CLIP4: variants seen among roughly 807,000 people sequenced by gnomAD.
The protein encoded by CLIP4 is CAP-Gly domain-containing linker protein 4.
A neutral mutation model predicts 73.1 loss-of-function variants in CLIP4; 47 were observed. The observed-to-expected ratio is 0.64, with a 90% CI of 0.51 to 0.82. CLIP4 has a LOEUF of 0.82. Among genes scored for constraint, CLIP4 ranks in the 40% least tolerant of loss-of-function variants. The pLI is 0.00. For missense variants in CLIP4, 874 were observed against 852.9 expected, an observed-to-expected ratio of 1.02 and a Z score of -0.31; for synonymous variants, 306 against 295.4, an observed-to-expected ratio of 1.04 and a Z score of -0.37.
intron 15 of CLIP4, among the ~76,000 whole-genome samples, chr2:29,175,866 A>T (rs768021585): frequency 6.6e-5 from 10 of 152,078 alleles, no homozygotes; most frequent in Admixed American, 2.6e-4. Flanking sequence ...GGTTCACGCC[A>T]TTCTTCTGTC....
In CLIP4 at chr2:29,182,920, TTTAC is replaced by T. The variant is rs752381700; in HGVS notation, c.*1031_*1034del. ...TATATCAGGAAGGATGTATTAGTTA[TTTAC>T]TTAAATGTTTATAATATCTGGATTT... On this transcript the variant is annotated 3_prime_UTR_variant, in exon 16 of 16. Transcript: ENST00000320081. The T allele has an allele frequency of 1.2e-4, 18 of 152,650 alleles. No individual in the cohort carries two copies. Among genetic ancestry groups the T allele is most frequent in the Non-Finnish European group, 8.8e-5 (6 of 68,038 alleles). The allele number at this position is 152,650 out of a possible 1,614,324, so 9.5% of individuals were successfully genotyped here.
chr2:29,171,612 G>A (rs888200762), intron 14 of CLIP4, among the ~76,000 whole-genome samples: 4 of 150,788 alleles, frequency 2.7e-5, no homozygotes, highest in South Asian at 2.1e-4. Flanking sequence ...TCCATCTCCC[G>A]GGTTCACGCC....
In CLIP4 at chr2:29,128,890, G is replaced by A. The variant is rs189656221; in HGVS notation, c.134-2368G>A. On this transcript the variant is annotated intron_variant, in intron 2 of 15. Transcript: ENST00000320081. ...AATACACCATAATTTCTAGAAGCAC[G>A]TTTCCTTATATTATAATTTTTCAGT... Among the ~76,000 whole-genome samples the A allele has an allele frequency of 2.4e-4, 37 of 152,076 alleles. No homozygotes were observed. The East Asian group carries it at 6.6e-3, about 27-fold the overall frequency.
chr2:29,109,287 C>G (rs1294637025), intron 1 of CLIP4, among the ~76,000 whole-genome samples: 1 of 152,096 alleles, frequency 6.6e-6, no homozygotes, highest in Admixed American at 6.6e-5. Flanking sequence ...GCTTTTGTGC[C>G]ACAGTGGCAA....
chr2:29,118,321 T>G (rs774410455), intron 1 of CLIP4: 2 of 152,234 alleles, frequency 1.3e-5, no homozygotes, highest in African/African-American at 4.8e-5. Flanking sequence ...CTGCTCTGTG[T>G]TAAAGCATGG....
chr2:29,112,642 G>A (rs1457494107), upstream of CLIP4, among the ~76,000 whole-genome samples: 1 of 152,216 alleles, frequency 6.6e-6, no homozygotes, highest in Non-Finnish European at 1.5e-5. Context: ...TGTTGATTCT[G>A]TTGGGCTTTT....
intron 1 of CLIP4, among the ~76,000 whole-genome samples, chr2:29,107,358 G>GTTTTTTTTTTTTTTTTTTTTTTTTTT (rs796180363): frequency 6.1e-5 from 4 of 65,362 alleles, no homozygotes; most frequent in Non-Finnish European, 6.0e-5. Context: ...GAACATGATA[G>GTTTTTTTTTTTTTTTTTTTTTTTTTT]TTTTTTTTTT....
In CLIP4 at chr2:29,174,432, A is replaced by C. The variant is rs140026709; in HGVS notation, c.1783A>C (p.Asn595His). The change falls in exon 15 of 16, where the codon AAT (asparagine) becomes CAT (histidine). Residue 595 changes from asparagine (N) to histidine (H), a missense_variant. By Grantham distance (68) the Asn-to-His change is moderately conservative. Transcript: ENST00000320081. ...ASSQKEINRR[N>H]AFSKSKAALR... ...TTCCCAAAAGGAGATTAACAGAAGA[A>C]ATGCTTTTTCCAAGTGAGTATTAAG... 1.2e-6 allele frequency: 2 copies of C among 1,611,956 alleles called. No homozygotes were observed. Among genetic ancestry groups the C allele is most frequent in the East Asian group, 4.5e-5 (2 of 44,812 alleles).
At chr2:29,155,611 A>G (rs938605427) in intron 9 of CLIP4, among the ~76,000 whole-genome samples, 8 of 152,218 alleles carry the variant, frequency 5.3e-5, no homozygotes, top group African/African-American at 1.9e-4. Context: ...AAAATATTTT[A>G]TAACTGAAAA....
chr2:29,175,048 A>C (rs533360292), intron 15 of CLIP4, among the ~76,000 whole-genome samples: 16 of 152,114 alleles, frequency 1.1e-4, no homozygotes, highest in Non-Finnish European at 1.9e-4. Flanking sequence ...GCTGCCAGTT[A>C]ATCTATGAAT....
intron 2 of CLIP4, among the ~76,000 whole-genome samples, chr2:29,128,440 A>C (rs902224580): frequency 4.0e-5 from 6 of 151,210 alleles, no homozygotes; most frequent in African/African-American, 1.5e-4. Context: ...TTGTTAAAAA[A>C]AACAAAAACA....
At chr2:29,111,073 C>A (rs1445536285), upstream of CLIP4, among the ~76,000 whole-genome samples, 2 of 152,188 alleles carry the variant, frequency 1.3e-5, no homozygotes, top group Non-Finnish European at 2.9e-5. Flanking sequence ...GCTTATAGAA[C>A]CACTGTAAGG....
chr2:29,154,268 T>C (rs1359216621), intron 9 of CLIP4, among the ~76,000 whole-genome samples: 1 of 152,174 alleles, frequency 6.6e-6, no homozygotes, highest in Non-Finnish European at 1.5e-5. Flanking sequence ...CTATTTCTGG[T>C]CTGAGGAGCA....
chr2:29,169,630 G>A (rs549246642), intron 14 of CLIP4, among the ~76,000 whole-genome samples: 7 of 151,908 alleles, frequency 4.6e-5, no homozygotes, highest in East Asian at 1.9e-4. Flanking sequence ...TTTTATTGAC[G>A]TAGTTGTACA....
intron 14 of CLIP4, among the ~76,000 whole-genome samples, chr2:29,168,565 C>A (rs560915625): frequency 1.0e-3 from 133 of 126,906 alleles, no homozygotes; most frequent in South Asian, 1.8e-3. Flanking sequence ...CTCTGTTGCC[C>A]AGGCTGGAGT....
In CLIP4 at chr2:29,143,692, C is replaced by T; in HGVS notation, c.649-17C>T. 1 of 1,548,636 alleles carries T rather than the reference C, an allele frequency of 6.5e-7. No individual in the cohort carries two copies. Among genetic ancestry groups the T allele is most frequent in the Non-Finnish European group, 8.9e-7 (1 of 1,121,966 alleles). On this transcript the variant is annotated splice_polypyrimidine_tract_variant and intron_variant, in intron 6 of 15. Coordinates refer to ENST00000320081, the MANE Select transcript of CLIP4 (RefSeq NM_024692.6). ...CTAAGTAAGAGTTGAACATTTTTCT[C>T]TTATCTTTATTTGTAGAATGACAAA...
chr2:29,156,941 C>G (rs1323478434), intron 10 of CLIP4, among the ~76,000 whole-genome samples: 2 of 152,116 alleles, frequency 1.3e-5, no homozygotes, highest in African/African-American at 4.8e-5. Context: ...GTAGTCAGTT[C>G]ACATCAATTG....
intron 2 of CLIP4, among the ~76,000 whole-genome samples, chr2:29,128,093 CT>C (rs2148478599): frequency 6.6e-6 from 1 of 151,948 alleles, no homozygotes; most frequent in East Asian, 1.9e-4. Context: ...TCAAATAAGC[CT>C]AGTTAGTTTC....
intron 2 of CLIP4, chr2:29,130,623 A>C (rs1332021958): frequency 7.3e-6 from 8 of 1,099,750 alleles, no homozygotes; most frequent in Non-Finnish European, 8.9e-6. Context: ...TTTGCCTAAC[A>C]GGACCATTTT....
Sources: allele counts gnomAD v4.1 joint callset (sites outside exome capture counted in the v4.1 genomes callset), GRCh38; gene constraint gnomAD v4.1.1; transcripts MANE v1.5; gene names NCBI Gene and HGNC (gene_info 2026-07-23, HGNC 2026-07-21).